Variants in DDX18 observed in about 807,000 individuals in gnomAD.
DDX18 encodes the protein DEAD-box helicase 18.
DDX18 carries 23 observed loss-of-function variants against 73.5 expected under a neutral mutation model. The observed-to-expected ratio is 0.31, with a 90% CI of 0.23 to 0.44. DDX18 has a LOEUF of 0.44. Among genes scored for constraint, DDX18 ranks in the 20% least tolerant of loss-of-function variants. The pLI, the probability that DDX18 is intolerant of heterozygous loss-of-function variation, is 1.00. For missense variants in DDX18, 753 were observed against 792.9 expected (o/e 0.95, Z 0.60); for synonymous variants, 268 against 282.7 (o/e 0.95, Z 0.52).
rs1381205134 is a variant in DDX18 at position 117,831,757 on chromosome 2, A to G, written c.*1033A>G. The G allele has an allele frequency of 6.6e-6, 1 of 151,196 alleles. No homozygotes were observed. Among genetic ancestry groups the G allele is most frequent in the African/African-American group, 2.4e-5 (1 of 41,074 alleles). 9.4% of individuals were successfully genotyped at this position (151,196 alleles called of 1,614,324 possible). A position where few individuals can be genotyped will look rare whatever the true frequency, so the allele number is the denominator to read the frequency against. On this transcript the variant is annotated 3_prime_UTR_variant, in exon 14 of 14. Coordinates refer to ENST00000263239, the MANE Select transcript of DDX18 (RefSeq NM_006773.4). ...GAAGATTGAAAATGAACAAAGTTAG[A>G]AAAAAAAACAGCAAAATCAGTGATT...
intron 1 of DDX18, among the ~76,000 whole-genome samples, chr2:117,816,364 T>TA (rs1185919374): frequency 6.6e-6 from 1 of 152,266 alleles, no homozygotes; most frequent in East Asian, 1.9e-4. Flanking sequence ...ACATTGTACA[T>TA]ACAGCTGTAC....
Position 117,825,859 on chromosome 2 carries a change from G to C in DDX18, c.1521+260G>C, listed in dbSNP as rs112795981. 7.1e-3 allele frequency: 3,099 copies of C among 434,716 alleles called. 17 individuals are homozygous for C. Among genetic ancestry groups the C allele is most frequent in the South Asian group, 0.014 (248 of 17,650 alleles). 26.9% of individuals were successfully genotyped at this position (434,716 alleles called of 1,614,324 possible). ...GAATGATCTCTTAAGAACAGCAGAT[G>C]CCTGAAGGAAATAAAATTGCTTAAG... On this transcript the variant is annotated intron_variant, in intron 10 of 13. Transcript: ENST00000263239.
In DDX18 at chr2:117,822,242, A is replaced by G. The variant is rs1340554055; in HGVS notation, c.1047A>G (p.Gln349=). The G allele has an allele frequency of 1.2e-6, 2 of 1,612,868 alleles. No homozygotes were observed. Among genetic ancestry groups the G allele is most frequent in the South Asian group, 1.1e-5 (1 of 91,008 alleles). ...TGGGGTTTGAAGAGGAATTAAAGCA[A>G]ATTATTAAACTTTTGCCAAGTAAGT... ...LDVGFEEELK[Q]IIKLLPTRRQ... The change falls in exon 7 of 14, where the codon CAA becomes CAG. Residue 349 remains glutamine (Q), a synonymous_variant. Transcript: ENST00000263239.
rs749678565 is a variant in DDX18, at chr2:117,825,418, C to T, written c.1369-29C>T. 42 of 1,600,450 alleles carry T rather than the reference C, an allele frequency of 2.6e-5. No individual in the cohort carries two copies. The East Asian group carries it at 9.0e-4, about 34-fold the overall frequency. ...CTGCTAGTCTTCCTCAAGATTCCAG[C>T]TCTAATGGATGTTTTTATTTAATTC... is the stretch of plus-strand genomic sequence containing the variant. On this transcript the variant is annotated intron_variant, in intron 9 of 13. Transcript: ENST00000263239.
In DDX18 at chr2:117,825,101, T is replaced by A. The variant is rs1679902758; in HGVS notation, c.1368T>A (p.His456Gln). The part of the protein sequence containing the change: ...NYIDLPVLAI[H>Q]GKQKQNKRTT... ...TTGATTTGCCCGTCTTGGCCATTCA[T>A]GTAAGTGATGATGATGAGCTCATTG... Residue 456 changes from histidine to glutamine, a missense_variant and splice_region_variant, in exon 9 of 14, where the codon CAT becomes CAA. Physicochemically the swap from His to Gln is conservative, Grantham distance 24. Around this residue, in one of 3 missense-constraint regions of DDX18, gnomAD observed 402 missense variants for 419.4 expected, o/e 0.96. Coordinates refer to ENST00000263239, the MANE Select transcript of DDX18 (RefSeq NM_006773.4). 1.9e-6 allele frequency: 3 copies of A among 1,606,364 alleles called. No individual in the cohort carries two copies. The African/African-American group carries it at 4.0e-5, about 22-fold the overall frequency.
chr2:117,825,486 C>A lies in DDX18; in HGVS notation c.1408C>A (p.Gln470Lys). The change falls in exon 10 of 14, where the codon CAG (glutamine) becomes AAG (lysine). Residue 470 changes from glutamine (Q) to lysine (K), a missense_variant. Gln to Lys is a moderately conservative substitution (Grantham distance 53). This residue lies in a region of DDX18 where 402 missense variants were observed against 419.4 expected (regional missense o/e 0.96). Coordinates refer to ENST00000263239, the MANE Select transcript of DDX18 (RefSeq NM_006773.4). ...KQNKRTTTFF[Q>K]FCNADSGTLL... ...AAATAAGCGTACAACCACATTCTTC[C>A]AGTTCTGCAATGCAGATTCGGGAAC... 6.2e-7 allele frequency: 1 copy of A among 1,614,030 alleles called. No individual in the cohort carries two copies. The highest frequency in any genetic ancestry group is 8.5e-7 in the Non-Finnish European group (1 of 1,179,932).
At chr2:117,815,143 C>A in intron 1 of DDX18, 1 of 421,128 alleles carries the variant, frequency 2.4e-6, no homozygotes, top group East Asian at 4.3e-5. Context: ...ACTAACCCTG[C>A]CTTTTGCATT....
rs371988552 is a variant in DDX18 at position 117,824,664 on chromosome 2, G to T, written c.1162G>T (p.Val388Phe). 2 of 1,492,000 alleles carry T rather than the reference G, an allele frequency of 1.3e-6. No homozygotes were observed. Among genetic ancestry groups the T allele is most frequent in the East Asian group, 2.5e-5 (1 of 40,260 alleles). 92.4% of individuals were successfully genotyped at this position (1,492,000 alleles called of 1,614,324 possible). ...SLKKEPLYVG[V>F]DDDKANATVD... The stretch of plus-strand genomic sequence containing the variant: ...GAAAAAGGAGCCATTGTATGTTGGC[G>T]TTGATGATGATAAAGCGAATGCAAC... The change falls in exon 8 of 14, where the codon GTT becomes TTT. Residue 388 changes from valine to phenylalanine, a missense_variant. Coordinates refer to ENST00000263239, the MANE Select transcript of DDX18 (RefSeq NM_006773.4).
Position 117,817,723 on chromosome 2 carries a change from A to T in DDX18, c.365A>T (p.Glu122Val), listed in dbSNP as rs771605669. The T allele has an allele frequency of 3.1e-6, 5 of 1,594,710 alleles. No individual in the cohort carries two copies. The highest frequency in any genetic ancestry group is 1.7e-6 in the Non-Finnish European group (2 of 1,174,618). The change falls in exon 2 of 14, where the codon GAG becomes GTG. Residue 122 changes from glutamate (E) to valine (V), a missense_variant. This residue lies in a region of DDX18 where 345 missense variants were observed against 352.0 expected (regional missense o/e 0.98). Transcript: ENST00000263239. ...AAGAGAAAAATGGTGAATGATGCTG[A>T]GCCTGGTAGGTATTTATTATCTTTG... ...KKKRKMVNDA[E>V]PDTKKAKTEN...
intron 1 of DDX18, among the ~76,000 whole-genome samples, chr2:117,816,316 C>T (rs966673188): frequency 1.3e-5 from 2 of 152,174 alleles, no homozygotes. Flanking sequence ...TAAATTTTAA[C>T]CTTTTGACTT....
intron 2 of DDX18, among the ~76,000 whole-genome samples, chr2:117,819,163 G>A (rs1248908238): frequency 6.6e-6 from 1 of 152,170 alleles, no homozygotes; most frequent in Non-Finnish European, 1.5e-5. Context: ...AGAAATGAGG[G>A]TGGGAAGAAG....
intron 1 of DDX18, among the ~76,000 whole-genome samples, chr2:117,816,324 C>T (rs987767100): frequency 6.6e-6 from 1 of 152,214 alleles, no homozygotes; most frequent in Non-Finnish European, 1.5e-5. Flanking sequence ...AACCTTTTGA[C>T]TTTAATAACA....
At chr2:117,823,122 GC>G (rs1005573212) in intron 7 of DDX18, among the ~76,000 whole-genome samples, 1 of 152,138 alleles carries the variant, frequency 6.6e-6, no homozygotes, top group Non-Finnish European at 1.5e-5. Flanking sequence ...GGTAATGTTA[GC>G]CCCAAGTTTG....
Position 117,821,240 on chromosome 2 carries a change from T to C in DDX18, c.594T>C (p.Gly198=), listed in dbSNP as rs1238456301. Residue 198 remains glycine, a synonymous_variant, in exon 4 of 14, where the codon GGT becomes GGC. Transcript: ENST00000263239. ...ENTLKAIKEM[G]FTNMTEIQHK... Reference sequence around the variant, plus strand: ...CTCTGAAGGCAATAAAAGAAATGGGTTTTACAAACATGACTGAAATTCAGC... The same window carrying C: ...CTCTGAAGGCAATAAAAGAAATGGGCTTTACAAACATGACTGAAATTCAGC... 6.2e-7 allele frequency: 1 copy of C among 1,611,712 alleles called. No individual in the cohort carries two copies. Among genetic ancestry groups the C allele is most frequent in the Admixed American group, 1.7e-5 (1 of 59,688 alleles).
At chr2:117,829,646 G>A (rs890733069) in intron 13 of DDX18, among the ~76,000 whole-genome samples, 180 bp downstream of exon 13, 4 of 152,186 alleles carry the variant, frequency 2.6e-5, no homozygotes, top group African/African-American at 9.7e-5. Flanking sequence ...GATGGGGTAA[G>A]CAGGGCTTAA....
intron 11 of DDX18, 173 bp from the exon 12 acceptor site, chr2:117,828,776 T>G: frequency 1.7e-6 from 1 of 592,374 alleles, no homozygotes; most frequent in Non-Finnish European, 3.0e-6. Context: ...ATTGCCTAAC[T>G]CAGCAGAGCA....
chr2:117,826,797 A>G, intron 11 of DDX18: 1 of 175,296 alleles, frequency 5.7e-6, no homozygotes, highest in Admixed American at 5.6e-5. Context: ...CCTATTCATC[A>G]ACTCTTGGCC....
intron 10 of DDX18, 58 bp from the exon 11 acceptor site, chr2:117,826,211 G>A (rs71422542): frequency 1.4e-5 from 20 of 1,456,342 alleles, no homozygotes; most frequent in East Asian, 2.3e-5. Flanking sequence ...ATGCAGATAC[G>A]CAAATGGGCT....
At chr2:117,825,208 T>A in intron 9 of DDX18, 107 bp downstream of exon 9, 2 of 1,411,802 alleles carry the variant, frequency 1.4e-6, no homozygotes, top group Non-Finnish European at 1.9e-6. Context: ...TCTGAGTAGT[T>A]TGATCACCAC....
Sources: allele counts gnomAD v4.1 joint callset (sites outside exome capture counted in the v4.1 genomes callset), GRCh38; gene constraint gnomAD v4.1.1; regional missense constraint gnomAD v4.1.1; transcripts MANE v1.5; gene names NCBI Gene and HGNC (gene_info 2026-07-23, HGNC 2026-07-21).